ARHGEF28: variants seen among roughly 807,000 people sequenced by gnomAD.
The protein encoded by ARHGEF28 is 190 kDa guanine nucleotide exchange factor.
Under a neutral mutation model 206.6 loss-of-function variants are expected in ARHGEF28, and 152 were observed. The observed-to-expected ratio is 0.74, with a 90% confidence interval of 0.64 to 0.84. ARHGEF28 has a LOEUF of 0.84. Among genes scored for constraint, ARHGEF28 ranks in the 40% least tolerant of loss-of-function variants. The probability of loss-of-function intolerance (pLI) is 0.00; values close to 1 mark genes in which losing one functional copy is unlikely to be tolerated. For missense variants in ARHGEF28, 2,028 were observed against 2,073.2 expected (o/e 0.98, Z 0.42); for synonymous variants, 763 against 776.4 (o/e 0.98, Z 0.29).
chr5:73,834,127 C>T (rs538566218), intron 10 of ARHGEF28, among the ~76,000 whole-genome samples: 2 of 152,102 alleles, frequency 1.3e-5, no homozygotes, highest in Non-Finnish European at 2.9e-5. Context: ...GATACATGTA[C>T]ATATTATGAG....
rs750379660 is a variant in ARHGEF28, at chr5:73,840,618, C to T, written c.1285C>T (p.Leu429Phe). The T allele has an allele frequency of 6.2e-7, 1 of 1,613,984 alleles. No individual in the cohort carries two copies. Among genetic ancestry groups the T allele is most frequent in the Admixed American group, 1.7e-5 (1 of 60,026 alleles). The change falls in exon 11 of 36, where the codon CTT (leucine) becomes TTT (phenylalanine). Residue 429 changes from leucine to phenylalanine, a missense_variant. Around this residue, in one of 3 missense-constraint regions of ARHGEF28, gnomAD observed 1,002 missense variants for 1,015.3 expected, o/e 0.99. Coordinates refer to ENST00000513042, the MANE Select transcript of ARHGEF28 (RefSeq NM_001177693.2). ...AGAAACCAGTCCCAGTGTGTACCCA[C>T]TTAGTGAAAATGTCGAAGGGACAGC... is the stretch of plus-strand genomic sequence containing the variant. The part of the protein sequence containing the change: ...PTETSPSVYP[L>F]SENVEGTAHT...
In ARHGEF28 at chr5:73,780,736, A is replaced by G. The variant is rs1346422577; in HGVS notation, c.901A>G (p.Thr301Ala). 6.4e-7 allele frequency: 1 copy of G among 1,557,758 alleles called. No homozygotes were observed. Among genetic ancestry groups the G allele is most frequent in the East Asian group, 2.4e-5 (1 of 41,468 alleles). ...RTAMPSSGAE[T>A]EEEIKNSVSS... ...AGCTATGCCCTCCAGCGGTGCAGAA[A>G]CTGAAGAAGGTACGCATGCTCCTTT... Residue 301 changes from threonine (T) to alanine (A), a missense_variant, in exon 7 of 36, where the codon ACT becomes GCT. This residue lies in a region of ARHGEF28 where 1,002 missense variants were observed against 1,015.3 expected (regional missense o/e 0.99). Coordinates refer to ENST00000513042, the MANE Select transcript of ARHGEF28 (RefSeq NM_001177693.2).
rs546434925 is a variant in ARHGEF28, at chr5:73,883,958, C to T, written c.3055+74C>T. 1.1e-3 allele frequency: 908 copies of T among 823,360 alleles called. 1 individual carries two copies. The highest frequency in any genetic ancestry group is 1.5e-3 in the Non-Finnish European group (825 of 562,526). The allele number at this position is 823,360 out of a possible 1,614,324, so 51.0% of individuals were successfully genotyped here. On this transcript the variant is annotated intron_variant, in intron 24 of 35. Coordinates refer to ENST00000513042, the MANE Select transcript of ARHGEF28 (RefSeq NM_001177693.2). ...AACACAGTTGAGGTGTTCTAAACAG[C>T]CATCAGTGTTTGTGGTCTCTGATTC...
chr5:73,753,061 G>A lies in ARHGEF28; in HGVS notation c.334G>A (p.Ala112Thr), dbSNP rs776563290. 5 of 1,610,756 alleles carry A rather than the reference G, an allele frequency of 3.1e-6. No homozygotes were observed. Among genetic ancestry groups the A allele is most frequent in the Admixed American group, 1.7e-5 (1 of 59,554 alleles). Residue 112 changes from alanine to threonine, a missense_variant, in exon 4 of 36, where the codon GCC becomes ACC. Transcript: ENST00000513042. ...LLVTQANRLT[A>T]CSHQTLLTPF... The stretch of plus-strand genomic sequence containing the variant: ...GGTGACGCAGGCCAATCGCCTCACA[G>A]CCTGCAGCCACCAGACCCTGCTGAC...
At chr5:73,785,072 T>G (rs899744252) in intron 7 of ARHGEF28, among the ~76,000 whole-genome samples, 7 of 152,146 alleles carry the variant, frequency 4.6e-5, no homozygotes, top group African/African-American at 1.7e-4. Flanking sequence ...GGTCTGCAAT[T>G]TAAAAAAATG....
At chr5:73,650,848 T>A (rs909730789) in intron 1 of ARHGEF28, among the ~76,000 whole-genome samples, 1 of 151,968 alleles carries the variant, frequency 6.6e-6, no homozygotes, top group African/African-American at 2.4e-5. Flanking sequence ...CAGGGTTTTG[T>A]CATGTTGTCA....
intron 4 of ARHGEF28, among the ~76,000 whole-genome samples, chr5:73,757,404 T>C (rs923883384): frequency 6.6e-6 from 1 of 152,254 alleles, no homozygotes; most frequent in African/African-American, 2.4e-5. Flanking sequence ...AAATAGATCT[T>C]ACCGAAGGAG....
intron 9 of ARHGEF28, among the ~76,000 whole-genome samples, chr5:73,806,822 C>T (rs1047119037): frequency 1.6e-4 from 21 of 130,276 alleles, no homozygotes; most frequent in South Asian, 1.5e-3. Flanking sequence ...GCCATATATA[C>T]GATATATCGT....
rs138626078 is a variant in ARHGEF28, at chr5:73,935,908, G to A, written c.4949-4936G>A. Among the ~76,000 whole-genome samples the A allele has an allele frequency of 3.1e-3, 479 of 152,306 alleles. 3 individuals are homozygous for A. The highest frequency in any genetic ancestry group is 4.6e-3 in the Non-Finnish European group (312 of 68,020). ...TAAGACAGGGAGAGAACTGAACAGC[G>A]CGTCATCAGTGCTCTCAATGGCAGA... On this transcript the variant is annotated intron_variant, in intron 35 of 35. Transcript: ENST00000513042.
chr5:73,657,256 C>T (rs1209126892), intron 1 of ARHGEF28, among the ~76,000 whole-genome samples: 1 of 150,830 alleles, frequency 6.6e-6, no homozygotes, highest in African/African-American at 2.4e-5. Flanking sequence ...CATTTTTCAC[C>T]TTCTCTAGCT....
At chr5:73,647,334 T>G (rs1298247168) in intron 1 of ARHGEF28, among the ~76,000 whole-genome samples, 1 of 152,232 alleles carries the variant, frequency 6.6e-6, no homozygotes, top group Admixed American at 6.5e-5. Flanking sequence ...TTGAAAATAT[T>G]CCAAAAATCT....
Position 73,901,284 on chromosome 5 carries a change from G to A in ARHGEF28, c.4074G>A (p.Lys1358=), listed in dbSNP as rs1762254758. ...TDLAVSDAGE[K]VECRNFPGSS... ...TGGCCGTCTCTGATGCAGGGGAGAA[G>A]GTATTGTGAACTGATTTGTTAGTAA... The change falls in exon 31 of 36, where the codon AAG becomes AAA. Residue 1358 remains lysine, a splice_region_variant and synonymous_variant. Transcript: ENST00000513042. 2 of 1,611,998 alleles carry A rather than the reference G, an allele frequency of 1.2e-6. No homozygotes were observed. The highest frequency in any genetic ancestry group is 1.3e-5 in the African/African-American group (1 of 74,850).
intron 33 of ARHGEF28, chr5:73,908,281 T>C (rs1026496384): frequency 5.9e-5 from 9 of 152,222 alleles, no homozygotes; most frequent in Admixed American, 4.6e-4. Flanking sequence ...CCTTAGTTCT[T>C]TAACTTTCAA....
At chr5:73,798,867 C>T (rs1016970726) in intron 9 of ARHGEF28, among the ~76,000 whole-genome samples, 3 of 151,780 alleles carry the variant, frequency 2.0e-5, no homozygotes, top group African/African-American at 7.3e-5. Flanking sequence ...GTGGGTGGAA[C>T]ACTTGAGGTC....
chr5:73,736,767 A>C (rs1750960946), intron 2 of ARHGEF28, among the ~76,000 whole-genome samples: 1 of 149,272 alleles, frequency 6.7e-6, no homozygotes, highest in Admixed American at 6.6e-5. Context: ...TAACAGTAAA[A>C]TATCTGCAAA....
intron 35 of ARHGEF28, among the ~76,000 whole-genome samples, chr5:73,932,804 T>C (rs1054410657): frequency 2.5e-5 from 3 of 121,012 alleles, no homozygotes; most frequent in Non-Finnish European, 3.4e-5. Context: ...CTATTTCTTT[T>C]TTTTTTTTTT....
At chr5:73,786,473 T>C (rs1754169101) in intron 7 of ARHGEF28, 1 of 152,196 alleles carries the variant, frequency 6.6e-6, no homozygotes, top group Admixed American at 6.6e-5. Flanking sequence ...ATTTGGGGGA[T>C]AGAAAAAGCG....
At position 73,909,452 on chromosome 5, in the gene ARHGEF28, G is replaced by A. The variant is rs769267438; in HGVS notation, c.4202G>A (p.Arg1401Lys). The A allele has an allele frequency of 4.5e-5, 72 of 1,612,636 alleles. No individual in the cohort carries two copies. Among genetic ancestry groups the A allele is most frequent in the Non-Finnish European group, 5.6e-5 (66 of 1,179,468 alleles). The change falls in exon 34 of 36, where the codon AGG (arginine) becomes AAG (lysine). Residue 1401 changes from arginine (R) to lysine (K), a missense_variant. Physicochemically the swap from Arg to Lys is conservative, Grantham distance 26 (BLOSUM62 2). Transcript: ENST00000513042. ...TIQDSHIEIH[R>K]LVLQQQEGLS... ...CAGGACAGCCACATTGAGATCCACA[G>A]GCTGGTTCTCCAGCAGCAGGAGGGC...
In ARHGEF28 at chr5:73,749,968, C is replaced by T. The variant is rs74697538; in HGVS notation, c.165C>T (p.Leu55=). ...CAGAGCGCATCGAGGATAACGTTCT[C>T]CAGTCCAGCGTCCCAGGTGAGGTGT... is the stretch of plus-strand genomic sequence containing the variant. ...MIAERIEDNV[L]QSSVPGHGLQ... The change falls in exon 3 of 36, where the codon CTC becomes CTT. Residue 55 remains leucine, a synonymous_variant. Transcript: ENST00000513042. The T allele has an allele frequency of 1.3e-4, 212 of 1,613,892 alleles. 1 individual carries two copies. The East Asian group carries it at 3.5e-3, about 26-fold the overall frequency.
Sources: gnomAD v4.1 joint callset for allele counts (sites outside exome capture counted in the v4.1 genomes callset) on GRCh38, gnomAD v4.1.1 for gene constraint, gnomAD v4.1.1 regional missense constraint, MANE v1.5 for transcripts, NCBI Gene and HGNC (gene_info 2026-07-23, HGNC 2026-07-21) for gene names.